The following LARGE1 variants were observed in gnomAD, a reference collection of about 807,000 sequenced individuals.
LARGE1 encodes LARGE xylosyl- and glucuronyltransferase 1, also known as xylosyl- and glucuronyltransferase LARGE1.
Under a neutral mutation model 87.6 loss-of-function variants are expected in LARGE1, and 43 were observed. The ratio of observed to expected loss-of-function variants is 0.49; its 90% CI spans 0.38 to 0.63. The LOEUF (loss-of-function observed/expected upper bound fraction) is 0.63, where lower values mean the gene tolerates loss of function less well. Ranked by LOEUF, LARGE1 falls within the 30% of genes least tolerant of loss-of-function variation. The pLI is 0.00. For synonymous variants in LARGE1, 434 were observed against 394.6 expected, an observed-to-expected ratio of 1.10 and a Z score of -1.18; for missense variants, 802 against 1,000.2, an observed-to-expected ratio of 0.80 and a Z score of 2.67.
chr22:33,650,162 A>G (rs1876608988), intron 3 of LARGE1, among the ~76,000 whole-genome samples: 2 of 152,214 alleles, frequency 1.3e-5, no homozygotes, highest in Admixed American at 1.3e-4. Flanking sequence ...CCCCATTTTC[A>G]GATGGGAAAA....
chr22:33,447,604 T>C (rs751333215), intron 6 of LARGE1, among the ~76,000 whole-genome samples: 8 of 152,228 alleles, frequency 5.3e-5, no homozygotes, highest in African/African-American at 9.6e-5. Context: ...GGCAACACTT[T>C]GGCTTGTGTT....
intron 5 of LARGE1, among the ~76,000 whole-genome samples, chr22:33,565,341 G>A (rs1315870759): frequency 1.3e-5 from 2 of 152,072 alleles, no homozygotes; most frequent in Non-Finnish European, 2.9e-5. Flanking sequence ...GAGAAAAAAA[G>A]GATATGCAAA....
intron 14 of LARGE1, among the ~76,000 whole-genome samples, chr22:33,275,831 G>C (rs1490983376): frequency 2.0e-5 from 3 of 152,260 alleles, no homozygotes; most frequent in Admixed American, 6.5e-5. Flanking sequence ...TCATCTCACA[G>C]CACTGCTGGA....
chr22:33,537,686 C>T (rs1440946339), intron 6 of LARGE1, among the ~76,000 whole-genome samples: 6 of 152,214 alleles, frequency 3.9e-5, no homozygotes, highest in African/African-American at 1.4e-4. Flanking sequence ...CCTCCCTCAG[C>T]CTCCCAAGTA....
intron 1 of LARGE1, among the ~76,000 whole-genome samples, chr22:33,833,129 C>T (rs1023123039): frequency 3.3e-5 from 5 of 152,204 alleles, no homozygotes; most frequent in Admixed American, 2.6e-4. Flanking sequence ...GTAGAGGTAG[C>T]TGACTTTTAT....
Position 33,384,193 on chromosome 22 carries a change from T to C in LARGE1, c.1004A>G (p.Gln335Arg). The change falls in exon 8 of 15, where the codon CAG (glutamine) becomes CGG (arginine). Residue 335 changes from glutamine to arginine, a missense_variant and splice_region_variant. By Grantham distance (43) the Gln-to-Arg change is conservative (BLOSUM62 1). Coordinates refer to ENST00000397394, the MANE Select transcript of LARGE1 (RefSeq NM_133642.5). ...MGMLSTSLADQDIFNAVIKQN... is the reference protein window; with the variant it reads ...MGMLSTSLADRDIFNAVIKQN... The stretch of plus-strand genomic sequence containing the variant: ...GCACCTTCGAACCTGGCCACTCACC[T>C]GGTCAGCTAAGGATGTAGAGAGCAT... 6.2e-7 allele frequency: 1 copy of C among 1,611,574 alleles called. No individual in the cohort carries two copies. Among genetic ancestry groups the C allele is most frequent in the Non-Finnish European group, 8.5e-7 (1 of 1,177,620 alleles).
In LARGE1 at chr22:33,784,200, C is replaced by T. The variant is rs137947869; in HGVS notation, c.-82-22642G>A. ...GCTAATGAATAAACCAATAACATTA[C>T]GACTTGCAGTAGTATTTTCTATCAT... On this transcript the variant is annotated intron_variant, in intron 1 of 14. Coordinates refer to ENST00000397394, the MANE Select transcript of LARGE1 (RefSeq NM_133642.5). 1.2e-4 allele frequency among the ~76,000 whole-genome samples: 18 copies of T among 152,254 alleles called. No individual in the cohort carries two copies. The East Asian group carries it at 2.5e-3, about 21-fold the overall frequency.
chr22:33,846,182 C>T (rs1017150577), intron 1 of LARGE1, among the ~76,000 whole-genome samples: 2 of 152,204 alleles, frequency 1.3e-5, no homozygotes, highest in African/African-American at 2.4e-5. Flanking sequence ...GGACCCCAAA[C>T]GGAGGGACCG....
intron 10 of LARGE1, among the ~76,000 whole-genome samples, chr22:33,331,654 C>T (rs1024861933): frequency 6.6e-6 from 1 of 152,090 alleles, no homozygotes; most frequent in Non-Finnish European, 1.5e-5. Flanking sequence ...GTGATCTGCC[C>T]GCCTCGGCCT....
the LARGE1 span, among the ~76,000 whole-genome samples, chr22:33,130,889 C>T: frequency 2.0e-5 from 3 of 151,844 alleles, no homozygotes; most frequent in Admixed American, 6.6e-5. Flanking sequence ...AAAAATTAGC[C>T]GGGCGTGGTG....
chr22:33,767,105 G>A (rs1045491604), intron 1 of LARGE1, among the ~76,000 whole-genome samples: 39 of 151,438 alleles, frequency 2.6e-4, no homozygotes, highest in African/African-American at 8.7e-4. Context: ...CCTGACATCA[G>A]GCGTTCAAGA....
At chr22:33,867,165 C>G (rs540457980) in intron 1 of LARGE1, among the ~76,000 whole-genome samples, 1 of 152,238 alleles carries the variant, frequency 6.6e-6, no homozygotes, top group African/African-American at 2.4e-5. Flanking sequence ...GTTAATTACC[C>G]CACGGTGGAT....
chr22:33,891,439 T>TAAAAAA (rs34298566), intron 1 of LARGE1, among the ~76,000 whole-genome samples: 5 of 147,930 alleles, frequency 3.4e-5, no homozygotes, highest in South Asian at 4.3e-4. Context: ...GTGCTAGCCA[T>TAAAAAA]AAAAAAAAAA....
intron 6 of LARGE1, among the ~76,000 whole-genome samples, chr22:33,517,653 C>T (rs928261158): frequency 1.4e-4 from 21 of 152,174 alleles, no homozygotes; most frequent in Non-Finnish European, 2.1e-4. Context: ...CCTGCCTCAG[C>T]CTCCCACAGT....
intron 9 of LARGE1, among the ~76,000 whole-genome samples, chr22:33,370,298 G>A (rs1005885063): frequency 2.0e-5 from 3 of 152,108 alleles, no homozygotes; most frequent in Non-Finnish European, 2.9e-5. Context: ...ACTAGCAAAG[G>A]GGATCAGTGA....
chr22:33,222,538 G>A (rs1301064971), intron 11 of LARGE1, among the ~76,000 whole-genome samples: 1 of 152,202 alleles, frequency 6.6e-6, no homozygotes, highest in African/African-American at 2.4e-5. Flanking sequence ...CATTATCCTC[G>A]ATTATCCGGG....
chr22:33,440,708 A>T (rs1223825023), intron 6 of LARGE1, among the ~76,000 whole-genome samples: 1 of 152,242 alleles, frequency 6.6e-6, no homozygotes, highest in Non-Finnish European at 1.5e-5. Flanking sequence ...GTTCCTGGCT[A>T]GTCAATGTAG....
At chr22:33,887,979 C>G (rs753488926) in intron 1 of LARGE1, among the ~76,000 whole-genome samples, 11 of 152,210 alleles carry the variant, frequency 7.2e-5, no homozygotes, top group Non-Finnish European at 1.3e-4. Flanking sequence ...CCACTTTGCT[C>G]AGGCTGGCCA....
At chr22:33,868,008 C>T (rs1402057706) in intron 1 of LARGE1, among the ~76,000 whole-genome samples, 4 of 152,310 alleles carry the variant, frequency 2.6e-5, no homozygotes, top group East Asian at 1.9e-4. Context: ...GCAGCCTACC[C>T]TGTAATCTCT....
Sources: gnomAD v4.1 joint callset for allele counts (sites outside exome capture counted in the v4.1 genomes callset) on GRCh38, gnomAD v4.1.1 for gene constraint, MANE v1.5 for transcripts, NCBI Gene and HGNC (gene_info 2026-07-23, HGNC 2026-07-21) for gene names.